Variants in HCN1 observed in about 807,000 individuals in gnomAD.
The protein encoded by HCN1 is hyperpolarization activated cyclic nucleotide gated potassium channel 1.
Under a neutral mutation model 78.9 loss-of-function variants are expected in HCN1, and 13 were observed. The observed-to-expected ratio is 0.16, with a 90% CI of 0.11 to 0.26. The LOEUF (loss-of-function observed/expected upper bound fraction) is 0.26, where lower values mean the gene tolerates loss of function less well. HCN1 is among the 10% of genes least tolerant of loss of function. The pLI is 1.00. For missense variants in HCN1, 810 were observed against 1,154.3 expected, an observed-to-expected ratio of 0.70 and a Z score of 4.32; for synonymous variants, 552 against 455.5, an observed-to-expected ratio of 1.21 and a Z score of -2.70.
At chr5:45,583,340 T>A (rs1475658189) in intron 2 of HCN1, among the ~76,000 whole-genome samples, 2 of 152,186 alleles carry the variant, frequency 1.3e-5, no homozygotes, top group African/African-American at 4.8e-5. Context: ...TCTCTGATGG[T>A]AGTTTGTATT....
intron 2 of HCN1, among the ~76,000 whole-genome samples, chr5:45,629,196 A>T (rs1431594780): frequency 1.3e-5 from 2 of 151,974 alleles, no homozygotes; most frequent in Non-Finnish European, 2.9e-5. Flanking sequence ...TACAATAAAA[A>T]CTGATAGAAC....
chr5:45,267,774 A>G (rs1274612693), intron 6 of HCN1, among the ~76,000 whole-genome samples: 1 of 152,030 alleles, frequency 6.6e-6, no homozygotes, highest in Non-Finnish European at 1.5e-5. Context: ...CTCAAAAAAG[A>G]CAACAACAAC....
In HCN1 at chr5:45,685,712, C is replaced by CA. The variant is rs201175418; in HGVS notation, c.425+9956dup. 8.2e-3 allele frequency among the ~76,000 whole-genome samples: 1,082 copies of CA among 131,156 alleles called. 12 individuals are homozygous for CA. Among genetic ancestry groups the CA allele is most frequent in the African/African-American group, 0.027 (946 of 35,676 alleles). 86.0% of individuals were successfully genotyped at this position (131,156 alleles called of 152,430 possible). On this transcript the variant is annotated intron_variant, in intron 1 of 7. Coordinates refer to ENST00000303230, the MANE Select transcript of HCN1 (RefSeq NM_021072.4). Reference sequence around the variant, plus strand: ...GGGCAAAAAGAACGAAACTCCATCTCAAAAAAAAAAAAAAGTTTTCCAGTG... The same window carrying CA: ...GGGCAAAAAGAACGAAACTCCATCTCAAAAAAAAAAAAAAAGTTTTCCAGTG...
chr5:45,459,825 T>C (rs1223650046), intron 3 of HCN1, among the ~76,000 whole-genome samples: 2 of 152,106 alleles, frequency 1.3e-5, no homozygotes, highest in South Asian at 2.1e-4. Flanking sequence ...AATGTTTTTA[T>C]ACTATCCTCT....
At chr5:45,400,506 C>T (rs183483728) in intron 3 of HCN1, among the ~76,000 whole-genome samples, 2 of 140,710 alleles carry the variant, frequency 1.4e-5, no homozygotes, top group Admixed American at 1.6e-4. Context: ...TCAAGTGATT[C>T]TTTTGCCTCA....
rs538179279 is a variant in HCN1, at chr5:45,463,719, T to G, written c.850-1712A>C. Among the ~76,000 whole-genome samples the G allele has an allele frequency of 2.6e-5, 4 of 152,174 alleles. 1 individual carries two copies. The highest frequency in any genetic ancestry group is 9.6e-5 in the African/African-American group (4 of 41,584). On this transcript the variant is annotated intron_variant, in intron 2 of 7. Transcript: ENST00000303230. ...TATAATACAACATAATAAAAAAGCT[T>G]TCTACTGATAAAGTCGGAAAAAGTC...
At chr5:45,373,977 G>GCTACATAATATATATAATATATATTAT (rs1747508971) in intron 4 of HCN1, among the ~76,000 whole-genome samples, 1 of 59,562 alleles carries the variant, frequency 1.7e-5, no homozygotes, top group Non-Finnish European at 3.7e-5. Flanking sequence ...ACATACAGTA[G>GCTACATAATATATATAATATATATTAT]ATACATAATA....
At chr5:45,327,541 C>T (rs1746259889) in intron 5 of HCN1, among the ~76,000 whole-genome samples, 1 of 151,510 alleles carries the variant, frequency 6.6e-6, no homozygotes, top group Non-Finnish European at 1.5e-5. Flanking sequence ...ATAAATTAAA[C>T]ATTCTTTTAT....
Position 45,608,847 on chromosome 5 carries a change from G to T in HCN1, c.849+36338C>A, listed in dbSNP as rs919771482. ...TAAGTACAAAGAAAAAAGTACAAATGCAAGCTGCAAACTAGTTGAAGATAT... is the reference window on the plus strand; with the variant it reads ...TAAGTACAAAGAAAAAAGTACAAATTCAAGCTGCAAACTAGTTGAAGATAT... On this transcript the variant is annotated intron_variant, in intron 2 of 7. Transcript: ENST00000303230. Among the ~76,000 whole-genome samples, 3 of 151,880 alleles carry T rather than the reference G, an allele frequency of 2.0e-5. No homozygotes were observed. In the East Asian group the frequency reaches 5.8e-4, roughly 29 times the overall value.
chr5:45,428,326 T>C (rs1740392002), intron 3 of HCN1, among the ~76,000 whole-genome samples: 1 of 152,080 alleles, frequency 6.6e-6, no homozygotes, highest in Non-Finnish European at 1.5e-5. Context: ...CTCCTGTTAA[T>C]GTTAATGAGT....
chr5:45,562,225 C>G (rs533931880), intron 2 of HCN1, among the ~76,000 whole-genome samples: 27 of 152,234 alleles, frequency 1.8e-4, no homozygotes, highest in Middle Eastern at 6.8e-3. Flanking sequence ...GTATGTCTGT[C>G]TACACATTTT....
intron 2 of HCN1, among the ~76,000 whole-genome samples, chr5:45,631,854 A>G (rs924481918): frequency 6.6e-6 from 1 of 152,192 alleles, no homozygotes; most frequent in African/African-American, 2.4e-5. Flanking sequence ...AAATTTTAAC[A>G]AATTTAAGTT....
chr5:45,264,424 G>T (rs1744813025), intron 7 of HCN1, among the ~76,000 whole-genome samples: 1 of 152,160 alleles, frequency 6.6e-6, no homozygotes, highest in Non-Finnish European at 1.5e-5. Context: ...TATGGTAACT[G>T]AAAAGTGAAT....
At chr5:45,337,912 C>G (rs1400672946) in intron 5 of HCN1, among the ~76,000 whole-genome samples, 1 of 152,072 alleles carries the variant, frequency 6.6e-6, no homozygotes, top group African/African-American at 2.4e-5. Context: ...GATAAATCAC[C>G]TAATTTTTGC....
At chr5:45,614,589 T>TTG (rs1744905543) in intron 2 of HCN1, among the ~76,000 whole-genome samples, 1 of 152,088 alleles carries the variant, frequency 6.6e-6, no homozygotes, top group East Asian at 1.9e-4. Context: ...TCAAATATAT[T>TTG]CATCTCTCAC....
intron 3 of HCN1, among the ~76,000 whole-genome samples, chr5:45,416,284 T>C (rs556464226): frequency 1.7e-4 from 26 of 152,084 alleles, no homozygotes; most frequent in African/African-American, 6.0e-4. Flanking sequence ...CCTCACTTGA[T>C]TTACTCGAGT....
At chr5:45,445,121 C>T (rs1740760599) in intron 3 of HCN1, among the ~76,000 whole-genome samples, 1 of 152,352 alleles carries the variant, frequency 6.6e-6, no homozygotes, top group Middle Eastern at 3.4e-3. Flanking sequence ...CAGGGAGTTC[C>T]CTTTCCTAGT....
In HCN1 at chr5:45,374,240, A is replaced by C. The variant is rs181280045; in HGVS notation, c.1231-20994T>G. Among the ~76,000 whole-genome samples the C allele has an allele frequency of 7.3e-4, 87 of 119,016 alleles. 1 individual carries two copies. The highest frequency in any genetic ancestry group is 2.5e-3 in the African/African-American group (85 of 33,890). 78.1% of individuals were successfully genotyped at this position (119,016 alleles called of 152,430 possible). A position where few individuals can be genotyped will look rare whatever the true frequency, so the allele number is the denominator to read the frequency against. On this transcript the variant is annotated intron_variant, in intron 4 of 7. Coordinates refer to ENST00000303230, the MANE Select transcript of HCN1 (RefSeq NM_021072.4). Reference sequence around the variant, plus strand: ...TATGTACATTATATACATAACATATATATTATGTACATTATATACATAACA... The same window carrying C: ...TATGTACATTATATACATAACATATCTATTATGTACATTATATACATAACA...
Position 45,255,567 on chromosome 5 carries a change from A to C in HCN1, c.*6354T>G, listed in dbSNP as rs1400409913. 6.6e-6 allele frequency: 1 copy of C among 152,220 alleles called. No individual in the cohort carries two copies. Among genetic ancestry groups the C allele is most frequent in the Non-Finnish European group, 1.5e-5 (1 of 68,038 alleles). The allele number at this position is 152,220 out of a possible 1,614,324, so 9.4% of individuals were successfully genotyped here. ...GGCACGCAAGAACATTTAGAACTGCACATTTTAAACAGAATTGTAATATGT... is the reference window on the plus strand; with the variant it reads ...GGCACGCAAGAACATTTAGAACTGCCCATTTTAAACAGAATTGTAATATGT... On this transcript the variant is annotated 3_prime_UTR_variant, in exon 8 of 8. Coordinates refer to ENST00000303230, the MANE Select transcript of HCN1 (RefSeq NM_021072.4).
Sources: gnomAD v4.1 joint callset for allele counts (sites outside exome capture counted in the v4.1 genomes callset) on GRCh38, gnomAD v4.1.1 for gene constraint, MANE v1.5 for transcripts, NCBI Gene and HGNC (gene_info 2026-07-23, HGNC 2026-07-21) for gene names.